CNTNAP5: variants seen among roughly 807,000 people sequenced by gnomAD.
CNTNAP5 encodes contactin associated protein family member 5, also known as contactin-associated protein-like 5.
CNTNAP5 carries 72 observed loss-of-function variants against 150.2 expected under a neutral mutation model. The observed-to-expected ratio is 0.48, with a 90% CI of 0.40 to 0.58. The LOEUF (loss-of-function observed/expected upper bound fraction) is 0.58. CNTNAP5 is among the 20% of genes least tolerant of loss of function. The pLI is 0.00. For synonymous variants in CNTNAP5, 672 were observed against 619.8 expected, an observed-to-expected ratio of 1.08 and a Z score of -1.25; for missense variants, 1,636 against 1,626.2, an observed-to-expected ratio of 1.01 and a Z score of -0.10.
intron 12 of CNTNAP5, among the ~76,000 whole-genome samples, chr2:124,627,871 A>G (rs1418357964): frequency 6.6e-6 from 1 of 152,230 alleles, no homozygotes; most frequent in Non-Finnish European, 1.5e-5. Context: ...AGAGGAACAT[A>G]AATGACCTGA....
intron 1 of CNTNAP5, among the ~76,000 whole-genome samples, chr2:124,054,334 G>GA (rs1186750349): frequency 2.0e-5 from 3 of 152,066 alleles, no homozygotes; most frequent in Admixed American, 6.6e-5. Flanking sequence ...GAATATGATG[G>GA]AAAAAATAGC....
At chr2:124,323,140 T>C (rs920603091) in intron 3 of CNTNAP5, among the ~76,000 whole-genome samples, 1 of 152,146 alleles carries the variant, frequency 6.6e-6, no homozygotes, top group African/African-American at 2.4e-5. Flanking sequence ...TTATAGAAGT[T>C]AATGTGCAAG....
intron 3 of CNTNAP5, among the ~76,000 whole-genome samples, chr2:124,243,873 G>C (rs746031258): frequency 2.0e-5 from 3 of 151,942 alleles, no homozygotes; most frequent in Non-Finnish European, 4.4e-5. Flanking sequence ...TCAATTTTGA[G>C]GTCCCCATAA....
chr2:124,673,559 T>G (rs540534120), intron 13 of CNTNAP5, among the ~76,000 whole-genome samples: 14 of 152,180 alleles, frequency 9.2e-5, no homozygotes, highest in Admixed American at 5.2e-4. Context: ...GCTTTGTTTT[T>G]GGGACTCACT....
intron 5 of CNTNAP5, among the ~76,000 whole-genome samples, chr2:124,444,738 C>T (rs935467297): frequency 4.6e-5 from 7 of 152,284 alleles, no homozygotes; most frequent in Middle Eastern, 3.4e-3. Context: ...GGATCCAGGC[C>T]GACGAGCTCC....
At chr2:124,815,245 A>T (rs1682337675) in intron 19 of CNTNAP5, among the ~76,000 whole-genome samples, 2 of 152,226 alleles carry the variant, frequency 1.3e-5, no homozygotes, top group Admixed American at 6.5e-5. Context: ...AAGGTACTGG[A>T]GGAATAAGCA....
intron 19 of CNTNAP5, among the ~76,000 whole-genome samples, chr2:124,837,353 A>G (rs1422328352): frequency 6.6e-6 from 1 of 152,146 alleles, no homozygotes; most frequent in African/African-American, 2.4e-5. Context: ...ATCCTCATTA[A>G]TCAACAAAAA....
intron 10 of CNTNAP5, among the ~76,000 whole-genome samples, chr2:124,529,031 A>C (rs1167138634): frequency 6.6e-6 from 1 of 151,326 alleles, no homozygotes; most frequent in Non-Finnish European, 1.5e-5. Flanking sequence ...TCAACAAATC[A>C]TGCAGATTTT....
chr2:124,675,665 A>G (rs1032449863), intron 13 of CNTNAP5, among the ~76,000 whole-genome samples: 2 of 152,294 alleles, frequency 1.3e-5, no homozygotes, highest in Admixed American at 6.5e-5. Flanking sequence ...TATATTCATT[A>G]CAATGCAATT....
In CNTNAP5 at chr2:124,763,791, A is replaced by G; in HGVS notation, c.2354A>G (p.Tyr785Cys). ...TGGAGAATTGGTCCCTTGCGTTGCT[A>G]TGGTGACCGTGAGTACAAAATCGAA... ...AAWRIGPLRC[Y>C]GDRRFWNAVS... Residue 785 changes from tyrosine to cysteine, a missense_variant, in exon 15 of 24, where the codon TAT becomes TGT. Transcript: ENST00000682447. 1.2e-6 allele frequency: 2 copies of G among 1,613,066 alleles called. No individual in the cohort carries two copies. Among genetic ancestry groups the G allele is most frequent in the African/African-American group, 1.3e-5 (1 of 74,992 alleles).
intron 7 of CNTNAP5, among the ~76,000 whole-genome samples, chr2:124,479,853 C>A (rs144314344): frequency 2.0e-5 from 3 of 152,054 alleles, no homozygotes; most frequent in African/African-American, 7.2e-5. Flanking sequence ...GAGAAAGTTA[C>A]GAAACTTCAG....
intron 13 of CNTNAP5, among the ~76,000 whole-genome samples, chr2:124,729,753 C>T (rs1450932035): frequency 6.6e-6 from 1 of 152,084 alleles, no homozygotes; most frequent in Non-Finnish European, 1.5e-5. Flanking sequence ...ACCACACCCT[C>T]TATTTTGAGA....
chr2:124,633,728 C>G (rs1181531707), intron 12 of CNTNAP5, among the ~76,000 whole-genome samples: 1 of 152,204 alleles, frequency 6.6e-6, no homozygotes, highest in Non-Finnish European at 1.5e-5. Flanking sequence ...ATCCCTGGAG[C>G]AGGTTTTTGC....
chr2:124,118,724 A>C (rs1185016542), intron 1 of CNTNAP5, among the ~76,000 whole-genome samples: 1 of 152,192 alleles, frequency 6.6e-6, no homozygotes, highest in Non-Finnish European at 1.5e-5. Context: ...GAGGAGGACC[A>C]ACATTTGCGA....
chr2:124,582,295 T>A (rs1212325738), intron 11 of CNTNAP5, among the ~76,000 whole-genome samples: 1 of 152,166 alleles, frequency 6.6e-6, no homozygotes, highest in African/African-American at 2.4e-5. Context: ...TGGCAGTAGT[T>A]GTTGCTCACC....
chr2:124,320,993 G>C (rs966647718), intron 3 of CNTNAP5, among the ~76,000 whole-genome samples: 2 of 152,130 alleles, frequency 1.3e-5, no homozygotes. Context: ...GAATGGAGTC[G>C]CTATGTTCCA....
intron 1 of CNTNAP5, among the ~76,000 whole-genome samples, chr2:124,148,883 CACAT>C (rs1371999766): frequency 1.3e-5 from 2 of 151,378 alleles, no homozygotes; most frequent in Admixed American, 6.6e-5. Flanking sequence ...TATACACACA[CACAT>C]ATATGTATGT....
chr2:124,811,778 T>C (rs1197417631), intron 19 of CNTNAP5, among the ~76,000 whole-genome samples: 1 of 149,016 alleles, frequency 6.7e-6, no homozygotes, highest in African/African-American at 2.5e-5. Flanking sequence ...CCATCTGTAC[T>C]AAAAATACAA....
intron 13 of CNTNAP5, among the ~76,000 whole-genome samples, chr2:124,724,674 T>G (rs544716070): frequency 1.3e-5 from 2 of 152,082 alleles, no homozygotes; most frequent in African/African-American, 4.8e-5. Flanking sequence ...CTGTAAAGCA[T>G]TTGACCATAA....
Sources: gnomAD v4.1 joint callset for allele counts (sites outside exome capture counted in the v4.1 genomes callset) on GRCh38, gnomAD v4.1.1 for gene constraint, MANE v1.5 for transcripts, NCBI Gene and HGNC (gene_info 2026-07-23, HGNC 2026-07-21) for gene names.